The following FANCA variants were observed in gnomAD, a reference collection of about 807,000 sequenced individuals.
FANCA encodes the protein FA complementation group A, also known as Fanconi anemia group A protein.
FANCA carries 236 observed loss-of-function variants against 194.3 expected under a neutral mutation model. The ratio of observed to expected loss-of-function variants is 1.21; its 90% confidence interval spans 1.09 to 1.35. FANCA has a LOEUF of 1.35. Ranked by LOEUF, FANCA falls within the 40% of genes most tolerant of loss-of-function variation. The probability of loss-of-function intolerance (pLI) is 0.00; values close to 1 mark genes in which losing one functional copy is unlikely to be tolerated. For synonymous variants in FANCA, 1,014 were observed against 715.8 expected (o/e 1.42, Z -6.65); for missense variants, 2,628 against 1,813.9 (o/e 1.45, Z -8.15).
chr16:89,795,227 G>A (rs1235965675), intron 11 of FANCA, among the ~76,000 whole-genome samples: 1 of 151,720 alleles, frequency 6.6e-6, no homozygotes, highest in Non-Finnish European at 1.5e-5. Context: ...GGAGGTTGCA[G>A]TGAGCCCAAA....
At chr16:89,801,212 T>C (rs2040438959) in intron 8 of FANCA, among the ~76,000 whole-genome samples, 1 of 148,258 alleles carries the variant, frequency 6.7e-6, no homozygotes, top group African/African-American at 2.5e-5. Context: ...GGAGTGGTGG[T>C]GGGCGCCTGT....
rs533538217 is a variant in FANCA, at chr16:89,769,170, G to A, written c.2504+667C>T. On this transcript the variant is annotated intron_variant, in intron 26 of 42. Coordinates refer to ENST00000389301, the MANE Select transcript of FANCA (RefSeq NM_000135.4). ...TTTCCCGCACAGGGTCTCCGGCACC[G>A]CAACAGGGCTCTGTCCCGACCTGGG... 2.9e-3 allele frequency among the ~76,000 whole-genome samples: 444 copies of A among 152,268 alleles called. 1 individual carries two copies. The highest frequency in any genetic ancestry group is 6.8e-3 in the Middle Eastern group (2 of 294).
At chr16:89,785,045 A>G (rs1385112790) in intron 14 of FANCA, 81 bp from the exon 15 acceptor site, 2 of 1,009,764 alleles carry the variant, frequency 2.0e-6, no homozygotes, top group Non-Finnish European at 3.1e-6. Flanking sequence ...TGGAGAGAAG[A>G]GCGTGAAGCC....
At chr16:89,769,706 A>G in intron 26 of FANCA, 131 bp downstream of exon 26, 2 of 1,011,710 alleles carry the variant, frequency 2.0e-6, no homozygotes, top group South Asian at 2.8e-5. Flanking sequence ...AAGGATATAT[A>G]CCAAAATGCT....
chr16:89,779,834 C>T, intron 18 of FANCA, 35 bp downstream of exon 18: 1 of 1,580,338 alleles, frequency 6.3e-7, no homozygotes, highest in Non-Finnish European at 8.7e-7. Context: ...GCACACACTG[C>T]AGCTGCTAGA....
chr16:89,764,716 G>A (rs898128882), intron 28 of FANCA, 174 bp downstream of exon 28: 14 of 781,194 alleles, frequency 1.8e-5, no homozygotes, highest in East Asian at 1.5e-4. Context: ...GTCGGCACAC[G>A]CACCCTAGAC....
At chr16:89,775,228 C>T (rs748289233) in intron 21 of FANCA, among the ~76,000 whole-genome samples, 2 of 152,162 alleles carry the variant, frequency 1.3e-5, no homozygotes, top group African/African-American at 4.8e-5. Context: ...ATGGCATCTC[C>T]CACTGCTGCC....
intron 32 of FANCA, 53 bp downstream of exon 32, chr16:89,749,677 G>T: frequency 6.3e-7 from 1 of 1,582,286 alleles, no homozygotes; most frequent in Non-Finnish European, 8.6e-7. Flanking sequence ...ACCGTCATGA[G>T]ATGCTGCCCT....
chr16:89,764,588 G>A (rs751926609), intron 28 of FANCA, among the ~76,000 whole-genome samples: 3 of 152,214 alleles, frequency 2.0e-5, no homozygotes, highest in Non-Finnish European at 4.4e-5. Flanking sequence ...TCACAGGTGT[G>A]AGCACCGTGC....
chr16:89,765,240 C>T (rs547918883), intron 27 of FANCA, among the ~76,000 whole-genome samples, 174 bp from the exon 28 acceptor site: 9 of 151,874 alleles, frequency 5.9e-5, no homozygotes, highest in Admixed American at 4.6e-4. Flanking sequence ...GTTCAGGGGA[C>T]CTCAGTCCAG....
Position 89,771,873 on chromosome 16 carries a change from C to T in FANCA, c.2015-59G>A, listed in dbSNP as rs533560248. ...AACCCCGAAAGGAGGGATACAGCTGCGGCCTAGAGAGCTCCGCCTCCCGTC... is the reference window on the plus strand; with the variant it reads ...AACCCCGAAAGGAGGGATACAGCTGTGGCCTAGAGAGCTCCGCCTCCCGTC... On this transcript the variant is annotated intron_variant, in intron 22 of 42. Coordinates refer to ENST00000389301, the MANE Select transcript of FANCA (RefSeq NM_000135.4). 9.4e-6 allele frequency: 15 copies of T among 1,601,854 alleles called. No homozygotes were observed. The Admixed American group carries it at 1.0e-4, about 11-fold the overall frequency.
At chr16:89,794,657 C>T (rs183816199) in intron 11 of FANCA, among the ~76,000 whole-genome samples, 4 of 152,192 alleles carry the variant, frequency 2.6e-5, no homozygotes, top group Non-Finnish European at 5.9e-5. Context: ...CCTCACAGCA[C>T]CTGTTGGGAG....
At chr16:89,742,749 T>C (rs757485057) in intron 37 of FANCA, 51 bp downstream of exon 37, 4 of 1,607,868 alleles carry the variant, frequency 2.5e-6, no homozygotes, top group Non-Finnish European at 3.4e-6. Context: ...TAGCACTGAT[T>C]GAAACCAAGC....
At chr16:89,773,241 G>A (rs1480929994) in intron 22 of FANCA, 30 bp downstream of exon 22, 2 of 1,501,060 alleles carry the variant, frequency 1.3e-6, no homozygotes, top group Non-Finnish European at 1.8e-6. Flanking sequence ...GCACACATGA[G>A]ACACAGCATG....
At chr16:89,753,407 C>A (rs1365698711) in intron 30 of FANCA, among the ~76,000 whole-genome samples, 1 of 152,194 alleles carries the variant, frequency 6.6e-6, no homozygotes, top group African/African-American at 2.4e-5. Flanking sequence ...TACACTCTCT[C>A]ATCGCCGCAC....
intron 3 of FANCA, among the ~76,000 whole-genome samples, chr16:89,812,588 G>T (rs1376310700): frequency 1.4e-5 from 2 of 145,930 alleles, no homozygotes; most frequent in Non-Finnish European, 3.0e-5. Flanking sequence ...AGAGGTTGCG[G>T]TGAGTCGAGA....
At chr16:89,758,051 T>C (rs894883582) in intron 30 of FANCA, among the ~76,000 whole-genome samples, 2 of 152,022 alleles carry the variant, frequency 1.3e-5, no homozygotes, top group African/African-American at 4.8e-5. Context: ...AGAGGGAGGT[T>C]TCACCATGTA....
At chr16:89,788,918 C>T (rs1402256231) in intron 14 of FANCA, among the ~76,000 whole-genome samples, 2 of 152,084 alleles carry the variant, frequency 1.3e-5, no homozygotes, top group African/African-American at 4.8e-5. Context: ...AAAAGAAAAG[C>T]AAACAAAACC....
At chr16:89,740,509 G>A (rs777947740) in intron 38 of FANCA, 14 of 489,172 alleles carry the variant, frequency 2.9e-5, no homozygotes, top group South Asian at 4.6e-5. Flanking sequence ...ACAGACTCAC[G>A]CCTGTAATCC....
Sources: allele counts gnomAD v4.1 joint callset (sites outside exome capture counted in the v4.1 genomes callset), GRCh38; gene constraint gnomAD v4.1.1; transcripts MANE v1.5; gene names NCBI Gene and HGNC (gene_info 2026-07-23, HGNC 2026-07-21).